Variants in ANO1 observed in about 807,000 individuals in gnomAD.
The protein encoded by ANO1 is anoctamin-1.
ANO1 carries 59 observed loss-of-function variants against 124.0 expected under a neutral mutation model. The ratio of observed to expected loss-of-function variants is 0.48; its 90% CI spans 0.39 to 0.59. The LOEUF (loss-of-function observed/expected upper bound fraction) is 0.59. Among genes scored for constraint, ANO1 ranks in the 20% least tolerant of loss-of-function variants. The probability of loss-of-function intolerance (pLI) is 0.00; values close to 1 mark genes in which losing one functional copy is unlikely to be tolerated. For missense variants in ANO1, 1,059 were observed against 1,328.0 expected, an observed-to-expected ratio of 0.80 and a Z score of 3.15; for synonymous variants, 529 against 532.0, an observed-to-expected ratio of 0.99 and a Z score of 0.08.
intron 1 of ANO1, among the ~76,000 whole-genome samples, chr11:70,061,415 T>C (rs150398519): frequency 4.1e-4 from 62 of 152,070 alleles, no homozygotes; most frequent in African/African-American, 1.4e-3. Context: ...GATTGGTGGG[T>C]GCCAGAACTC....
intron 21 of ANO1, among the ~76,000 whole-genome samples, chr11:70,170,565 G>A (rs905807348): frequency 1.3e-5 from 2 of 152,196 alleles, no homozygotes; most frequent in African/African-American, 2.4e-5. Context: ...GTACTCCAGC[G>A]TGGTGACAGA....
intron 8 of ANO1, among the ~76,000 whole-genome samples, chr11:70,119,553 G>A (rs2046160392): frequency 6.6e-6 from 1 of 151,666 alleles, no homozygotes; most frequent in Non-Finnish European, 1.5e-5. Flanking sequence ...GATGGGTGCT[G>A]GAGGAATGAA....
At chr11:70,120,475 C>T (rs2046216685) in intron 8 of ANO1, among the ~76,000 whole-genome samples, 1 of 152,208 alleles carries the variant, frequency 6.6e-6, no homozygotes, top group South Asian at 2.1e-4. Flanking sequence ...AGAGGGGTGG[C>T]TTGGGTTGTG....
At chr11:70,126,656 A>G (rs1195047971) in intron 10 of ANO1, among the ~76,000 whole-genome samples, 1 of 150,898 alleles carries the variant, frequency 6.6e-6, no homozygotes, top group African/African-American at 2.4e-5. Context: ...GTGAGCATGA[A>G]TGCTAGGCTT....
At chr11:70,172,099 A>G (rs961801179) in intron 22 of ANO1, among the ~76,000 whole-genome samples, 2 of 149,766 alleles carry the variant, frequency 1.3e-5, no homozygotes, top group Non-Finnish European at 3.0e-5. Flanking sequence ...CAGCCTGGGC[A>G]ACAGAGAGAG....
chr11:69,966,084 G>A, the ANO1 span, among the ~76,000 whole-genome samples: 1 of 152,180 alleles, frequency 6.6e-6, no homozygotes, highest in African/African-American at 2.4e-5. Context: ...AGGAGGTTAA[G>A]CACCTGACAC....
At chr11:70,083,358 G>C (rs1375648431) in intron 1 of ANO1, among the ~76,000 whole-genome samples, 1 of 152,160 alleles carries the variant, frequency 6.6e-6, no homozygotes, top group Admixed American at 6.5e-5. Flanking sequence ...TGTGCCTGGG[G>C]TCACACAGCT....
At position 70,042,482 on chromosome 11, in the gene ANO1, G is replaced by A. The variant is rs78918930; in HGVS notation, c.59-36060G>A. Among the ~76,000 whole-genome samples the A allele has an allele frequency of 4.8e-3, 734 of 152,160 alleles. 6 individuals carry two copies. The highest frequency in any genetic ancestry group is 0.012 in the South Asian group (59 of 4,826). On this transcript the variant is annotated intron_variant, in intron 1 of 27. Coordinates refer to the ANO1 transcript ENST00000531349. ...GGATGTTGCATTCATGCATGCGTGC[G>A]TATGCACGCACACACACACATACAT...
At chr11:70,108,210 C>A in intron 5 of ANO1, 143 bp from the exon 6 acceptor site, 1 of 700,068 alleles carries the variant, frequency 1.4e-6, no homozygotes, top group Non-Finnish European at 2.3e-6. Flanking sequence ...TGAATAAATG[C>A]CATTGTCTTT....
chr11:70,056,517 C>T (rs969635704), intron 1 of ANO1: 2 of 151,502 alleles, frequency 1.3e-5, no homozygotes, highest in African/African-American at 4.9e-5. Context: ...CCATACTTTT[C>T]AACATTGTGC....
intron 1 of ANO1, chr11:70,085,653 C>T (rs2044344554): frequency 3.3e-6 from 5 of 1,506,024 alleles, no homozygotes; most frequent in Admixed American, 4.3e-5. Flanking sequence ...AGACCCTTGA[C>T]ATCAACACCT....
chr11:69,966,248 C>T, the ANO1 span, among the ~76,000 whole-genome samples: 1 of 152,164 alleles, frequency 6.6e-6, no homozygotes, highest in Non-Finnish European at 1.5e-5. Context: ...TGGGCACTGA[C>T]CCTGGCTGTC....
intron 11 of ANO1, among the ~76,000 whole-genome samples, chr11:70,136,274 G>T (rs952771030): frequency 2.6e-5 from 4 of 152,162 alleles, no homozygotes; most frequent in African/African-American, 9.7e-5. Context: ...GGGCTTGTCG[G>T]TCCCCTGTGG....
At position 70,116,499 on chromosome 11, in the gene ANO1, AG is replaced by A. The variant is rs1228157476; in HGVS notation, c.897+1del. ...AAAACGTCGAGTTCAACGACAGAAA[AG>A]TAAGTTGATGGAGCGGAGCAGGAGG... On this transcript the variant is annotated splice_donor_variant, in intron 8 of 25. Transcript: ENST00000355303. LOFTEE classifies it high-confidence loss of function. The A allele has an allele frequency of 1.3e-6, 2 of 1,594,230 alleles. No individual in the cohort carries two copies. Among genetic ancestry groups the A allele is most frequent in the African/African-American group, 1.3e-5 (1 of 74,604 alleles).
chr11:70,138,063 G>A (rs1183263342), intron 11 of ANO1, among the ~76,000 whole-genome samples: 2 of 147,576 alleles, frequency 1.4e-5, no homozygotes, highest in African/African-American at 4.8e-5. Context: ...AATAACAGCT[G>A]GCTGGGCGCG....
chr11:70,144,727 T>C (rs1174313768), intron 11 of ANO1, among the ~76,000 whole-genome samples: 1 of 152,320 alleles, frequency 6.6e-6, no homozygotes, highest in East Asian at 1.9e-4. Flanking sequence ...TTTGGCCACC[T>C]CGTAAGGCTG....
At chr11:70,058,933 C>T (rs1368077166) in intron 1 of ANO1, among the ~76,000 whole-genome samples, 5 of 151,974 alleles carry the variant, frequency 3.3e-5, no homozygotes, top group African/African-American at 1.2e-4. Context: ...CCTGTAATCC[C>T]AGCACTTTGG....
chr11:70,075,688 G>A (rs2044048679), upstream of ANO1, among the ~76,000 whole-genome samples: 1 of 152,160 alleles, frequency 6.6e-6, no homozygotes, highest in Admixed American at 6.5e-5. Context: ...GGGTTTTAGT[G>A]ATAAAAATCA....
At chr11:69,973,532 C>A in the ANO1 span, among the ~76,000 whole-genome samples, 1 of 151,960 alleles carries the variant, frequency 6.6e-6, no homozygotes, top group African/African-American at 2.4e-5. Flanking sequence ...CTAGGCGGTG[C>A]GAGGCATCAT....
Sources: allele counts gnomAD v4.1 joint callset (sites outside exome capture counted in the v4.1 genomes callset), GRCh38; gene constraint gnomAD v4.1.1; transcripts MANE v1.5; gene names NCBI Gene and HGNC (gene_info 2026-07-23, HGNC 2026-07-21).